Variants in GRM7 observed in about 807,000 individuals in gnomAD.
GRM7 encodes the protein glutamate metabotropic receptor 7, also known as metabotropic glutamate receptor 7.
In GRM7, 35 loss-of-function variants were observed where a neutral mutation model predicts 84.5. The ratio of observed to expected loss-of-function variants is 0.41; its 90% CI spans 0.32 to 0.55. The LOEUF (loss-of-function observed/expected upper bound fraction) is 0.55. Among genes scored for constraint, GRM7 ranks in the 20% least tolerant of loss-of-function variants. The pLI is 0.19. For missense variants in GRM7, 1,003 were observed against 1,194.6 expected (o/e 0.84, Z 2.36); for synonymous variants, 487 against 455.1 (o/e 1.07, Z -0.89).
At chr3:7,669,449 G>GGAGGA (rs2125130943) in intron 8 of GRM7, among the ~76,000 whole-genome samples, 1 of 152,310 alleles carries the variant, frequency 6.6e-6, no homozygotes, top group East Asian at 1.9e-4. Flanking sequence ...GAAGTCAGAA[G>GGAGGA]GAGGACCCCA....
At chr3:6,976,771 A>T (rs1575089510) in intron 1 of GRM7, among the ~76,000 whole-genome samples, 3 of 152,304 alleles carry the variant, frequency 2.0e-5, no homozygotes, top group Admixed American at 2.0e-4. Flanking sequence ...GTGTGCTGAA[A>T]CAAAATCTAC....
intron 1 of GRM7, among the ~76,000 whole-genome samples, chr3:6,984,652 C>G (rs1377254661): frequency 6.6e-6 from 1 of 152,090 alleles, no homozygotes; most frequent in African/African-American, 2.4e-5. Context: ...TTTAGTGACA[C>G]AGATGTTTTT....
intron 9 of GRM7, among the ~76,000 whole-genome samples, chr3:7,713,049 C>T (rs965274333): frequency 1.3e-5 from 2 of 149,700 alleles, no homozygotes; most frequent in Non-Finnish European, 3.0e-5. Flanking sequence ...TTCATTCTAA[C>T]TTGGTTATAT....
chr3:7,651,241 T>C (rs1420143305), intron 8 of GRM7, among the ~76,000 whole-genome samples: 1 of 152,028 alleles, frequency 6.6e-6, no homozygotes, highest in African/African-American at 2.4e-5. Flanking sequence ...AGCCACAAGA[T>C]AGGTGGGAGT....
At chr3:7,326,436 T>G (rs540100520) in intron 4 of GRM7, among the ~76,000 whole-genome samples, 1 of 152,192 alleles carries the variant, frequency 6.6e-6, no homozygotes, top group Admixed American at 6.5e-5. Context: ...AAGTTAAAAG[T>G]GTTCTCAGGT....
chr3:7,651,555 T>C (rs1046891885), intron 8 of GRM7, among the ~76,000 whole-genome samples: 29 of 152,184 alleles, frequency 1.9e-4, no homozygotes, highest in African/African-American at 6.8e-4. Context: ...GGGAGAGCTA[T>C]TTACATACAT....
chr3:7,210,801 G>GT lies in GRM7; in HGVS notation c.736+64148dup, dbSNP rs4054224. Among the ~76,000 whole-genome samples, 845 of 145,716 alleles carry GT rather than the reference G, an allele frequency of 5.8e-3. 2 individuals carry two copies. Among genetic ancestry groups the GT allele is most frequent in the Middle Eastern group, 0.028 (8 of 282 alleles). ...GACAATTATGAACATGCTGTGTATT[G>GT]TTTTTTTTTTTTTTTGAGGAATTAT... On this transcript the variant is annotated intron_variant, in intron 2 of 9. Transcript: ENST00000357716.
At chr3:7,664,674 T>G (rs548018422) in intron 8 of GRM7, among the ~76,000 whole-genome samples, 2 of 152,326 alleles carry the variant, frequency 1.3e-5, no homozygotes, top group African/African-American at 4.8e-5. Flanking sequence ...CCATGCCTTC[T>G]ATTTTTATTC....
intron 2 of GRM7, among the ~76,000 whole-genome samples, chr3:7,157,948 A>G (rs1028707165): frequency 2.0e-5 from 3 of 152,126 alleles, no homozygotes; most frequent in Non-Finnish European, 4.4e-5. Flanking sequence ...GCACGCTGGG[A>G]TAAGGATGAG....
At chr3:7,362,938 AG>A (rs1250804494) in intron 4 of GRM7, among the ~76,000 whole-genome samples, 13 of 152,162 alleles carry the variant, frequency 8.5e-5, no homozygotes, top group African/African-American at 2.9e-4. Flanking sequence ...CAACATAGCA[AG>A]ACCTCATGTC....
intron 2 of GRM7, among the ~76,000 whole-genome samples, chr3:7,279,614 T>C (rs1699187609): frequency 1.3e-5 from 2 of 152,164 alleles, no homozygotes; most frequent in African/African-American, 4.8e-5. Flanking sequence ...TGTGTGCAGG[T>C]AAGCAGAGGC....
intron 2 of GRM7, among the ~76,000 whole-genome samples, chr3:7,259,557 A>G (rs1376780943): frequency 1.3e-5 from 2 of 152,004 alleles, no homozygotes; most frequent in African/African-American, 2.4e-5. Context: ...TTCTATTTCT[A>G]TGTTAGTTTG....
intron 7 of GRM7, among the ~76,000 whole-genome samples, chr3:7,568,854 A>C (rs1372054573): frequency 6.6e-6 from 1 of 152,072 alleles, no homozygotes; most frequent in Non-Finnish European, 1.5e-5. Context: ...CGGGACCTGC[A>C]GCCCGCCATG....
intron 1 of GRM7, among the ~76,000 whole-genome samples, chr3:7,078,444 G>T (rs1336019620): frequency 6.6e-6 from 1 of 152,166 alleles, no homozygotes; most frequent in African/African-American, 2.4e-5. Flanking sequence ...TCAATGTATA[G>T]GGTTACTGAA....
chr3:7,056,055 T>C (rs995839224), intron 1 of GRM7, among the ~76,000 whole-genome samples: 2 of 151,802 alleles, frequency 1.3e-5, no homozygotes, highest in East Asian at 2.0e-4. Context: ...ACAACAATCA[T>C]GCAAATATAT....
intron 5 of GRM7, among the ~76,000 whole-genome samples, chr3:7,426,740 A>C (rs897820251): frequency 6.6e-6 from 1 of 152,110 alleles, no homozygotes; most frequent in Non-Finnish European, 1.5e-5. Flanking sequence ...ATATCTGTGG[A>C]TCCCCATCTT....
intron 4 of GRM7, among the ~76,000 whole-genome samples, chr3:7,402,325 A>T (rs770748798): frequency 1.6e-4 from 25 of 152,198 alleles, no homozygotes; most frequent in Admixed American, 5.2e-4. Flanking sequence ...AGAAAACAAG[A>T]TGTAGTTGTC....
At position 7,126,184 on chromosome 3, in the gene GRM7, CT is replaced by C. The variant is rs1460898813; in HGVS notation, c.520-20267del. Among the ~76,000 whole-genome samples, 4 of 152,156 alleles carry C rather than the reference CT, an allele frequency of 2.6e-5. No homozygotes were observed. In the East Asian group the frequency reaches 7.7e-4, roughly 29 times the overall value. ...AGGTTATTCAGGTGGTTCAAACTGC[CT>C]AGGGCCTTAAGTGAACTTGAATAAT... On this transcript the variant is annotated intron_variant, in intron 1 of 9. Transcript: ENST00000357716.
In GRM7 at chr3:7,657,456, C is replaced by T. The variant is rs373596226; in HGVS notation, c.2452-22593C>T. 2.8e-3 allele frequency among the ~76,000 whole-genome samples: 432 copies of T among 152,254 alleles called. 7 individuals carry two copies. Among genetic ancestry groups the T allele is most frequent in the Middle Eastern group, 0.017 (5 of 294 alleles). On this transcript the variant is annotated intron_variant, in intron 8 of 9. Transcript: ENST00000357716. ...AATTAATTCAACCCCAAAAAATGTA[C>T]TGAAGCAGCTACAACATGTTATTGG...
Sources: gnomAD v4.1 joint callset for allele counts (sites outside exome capture counted in the v4.1 genomes callset) on GRCh38, gnomAD v4.1.1 for gene constraint, MANE v1.5 for transcripts, NCBI Gene and HGNC (gene_info 2026-07-23, HGNC 2026-07-21) for gene names.